The following KLHL26 variants were observed in gnomAD, a reference collection of about 807,000 sequenced individuals.
KLHL26 encodes kelch like family member 26, also known as kelch-like protein 26.
Under a neutral mutation model 7.1 loss-of-function variants are expected in KLHL26, and 4 were observed. The observed-to-expected ratio is 0.56, with a 90% CI of 0.28 to 1.28. KLHL26 has a LOEUF of 1.28. Among genes scored for constraint, KLHL26 ranks in the 50% most tolerant of loss-of-function variants. KLHL26 has a pLI of 0.11. For synonymous variants in KLHL26, 465 were observed against 414.1 expected (o/e 1.12, Z -1.49); for missense variants, 896 against 924.6 (o/e 0.97, Z 0.40).
chr19:18,661,016 G>A (rs775644408), intron 1 of KLHL26, among the ~76,000 whole-genome samples: 12 of 152,184 alleles, frequency 7.9e-5, no homozygotes, highest in Non-Finnish European at 1.8e-4. Flanking sequence ...CAGATTCTCC[G>A]AGTGTGTAGT....
intron 1 of KLHL26, among the ~76,000 whole-genome samples, chr19:18,663,730 A>G (rs763539837): frequency 6.6e-6 from 1 of 151,454 alleles, no homozygotes; most frequent in Non-Finnish European, 1.5e-5. Flanking sequence ...TGATCCGTTC[A>G]ACAGTTTCCC....
chr19:18,669,087 G>T lies in KLHL26; in HGVS notation c.1690G>T (p.Val564Phe). ...CCTGCTGGAGAGGAAGATCTACATC[G>T]TCGGGGGCTACAACTGGCGTCTCAA... ...CCLLERKIYI[V>F]GGYNWRLNNV... Residue 564 changes from valine (V) to phenylalanine (F), a missense_variant, in exon 3 of 3, where the codon GTC becomes TTC. Val to Phe is a conservative substitution (Grantham distance 50). Coordinates refer to ENST00000300976, the MANE Select transcript of KLHL26 (RefSeq NM_018316.3). 1 of 1,612,920 alleles carries T rather than the reference G, an allele frequency of 6.2e-7. No individual in the cohort carries two copies. The highest frequency in any genetic ancestry group is 8.5e-7 in the Non-Finnish European group (1 of 1,179,962).
At chr19:18,638,093 C>T (rs1409788916) in intron 1 of KLHL26, among the ~76,000 whole-genome samples, 1 of 152,216 alleles carries the variant, frequency 6.6e-6, no homozygotes, top group Non-Finnish European at 1.5e-5. Context: ...CAGACCCTCC[C>T]ACCCCAGCTC....
At chr19:18,657,940 T>C (rs532551582) in intron 1 of KLHL26, among the ~76,000 whole-genome samples, 12 of 152,266 alleles carry the variant, frequency 7.9e-5, no homozygotes, top group Non-Finnish European at 1.5e-4. Flanking sequence ...AGCAACTCCA[T>C]CCTGTGGGCT....
rs1426862926 is a variant in KLHL26 at position 18,648,746 on chromosome 19, C to A, written c.83+11609C>A. The stretch of plus-strand genomic sequence containing the variant: ...AATGTCCCTCCTCCTGAGAGAAGGC[C>A]TCAGTCTGGCTGCAGCTGCCCAGGA... On this transcript the variant is annotated intron_variant, in intron 1 of 2. Transcript: ENST00000300976. This position sits in a 1 kb window ranked among gnomAD's most constrained non-coding sequence, Gnocchi z 4.9. 1.3e-5 allele frequency among the ~76,000 whole-genome samples: 2 copies of A among 152,146 alleles called. No individual in the cohort carries two copies. The highest frequency in any genetic ancestry group is 2.9e-5 in the Non-Finnish European group (2 of 68,008).
intron 1 of KLHL26, among the ~76,000 whole-genome samples, chr19:18,653,856 C>T (rs2052293478): frequency 2.4e-5 from 1 of 41,482 alleles, no homozygotes; most frequent in African/African-American, 1.2e-4. Context: ...ATCTACCCAC[C>T]CACCTATCCA....
chr19:18,668,458 C>A lies in KLHL26; in HGVS notation c.1061C>A (p.Thr354Lys), dbSNP rs771953274. 2 of 1,610,852 alleles carry A rather than the reference C, an allele frequency of 1.2e-6. No homozygotes were observed. The highest frequency in any genetic ancestry group is 3.3e-5 in the Admixed American group (2 of 59,986). The change falls in exon 3 of 3, where the codon ACG becomes AAG. Residue 354 changes from threonine to lysine, a missense_variant. Transcript: ENST00000300976. Reference protein sequence around the residue: ...LTEMEVGCSHTCVAVLDNFVY... With the variant: ...LTEMEVGCSHKCVAVLDNFVY... ...GAGATGGAGGTAGGCTGCAGCCACA[C>A]GTGCGTGGCCGTGCTGGACAATTTT...
intron 1 of KLHL26, among the ~76,000 whole-genome samples, chr19:18,639,874 C>G (rs1243632012): frequency 6.6e-6 from 1 of 152,056 alleles, no homozygotes; most frequent in Non-Finnish European, 1.5e-5. Flanking sequence ...CTTTCACTCT[C>G]TGTAGCTTTG....
chr19:18,653,200 C>T (rs962879827), intron 1 of KLHL26, among the ~76,000 whole-genome samples: 3 of 151,986 alleles, frequency 2.0e-5, no homozygotes, highest in Non-Finnish European at 2.9e-5. Flanking sequence ...TCTTCAGGGC[C>T]GGCCCAGCAC....
intron 2 of KLHL26, among the ~76,000 whole-genome samples, chr19:18,665,646 T>C (rs898723649): frequency 2.6e-5 from 4 of 152,228 alleles, no homozygotes; most frequent in Non-Finnish European, 4.4e-5. Context: ...GGGCACTGTC[T>C]GTCTGTCCCT....
chr19:18,637,175 T>G (rs891072181), intron 1 of KLHL26, 38 bp downstream of exon 1: 3 of 1,281,034 alleles, frequency 2.3e-6, no homozygotes, highest in Non-Finnish European at 2.0e-6. Flanking sequence ...GCACCTGTCT[T>G]GGAGCCCAGG....
rs1400307564 is a variant in KLHL26 at position 18,654,662 on chromosome 19, C to T, written c.84-9599C>T. 2.6e-5 allele frequency among the ~76,000 whole-genome samples: 4 copies of T among 151,770 alleles called. No individual in the cohort carries two copies. The South Asian group carries it at 8.3e-4, about 32-fold the overall frequency. On this transcript the variant is annotated intron_variant, in intron 1 of 2. Coordinates refer to ENST00000300976, the MANE Select transcript of KLHL26 (RefSeq NM_018316.3). ...CTATACATCCACGCACCCTTTCATC[C>T]ACCCATCCACCTATCCATCTACCCA...
In KLHL26 at chr19:18,669,099, A is replaced by AG; in HGVS notation, c.1702_1703insG (p.Asn568ArgfsTer59). ...GAAGATCTACATCGTCGGGGGCTAC[A>AG]ACTGGCGTCTCAACAACGTCACGGG... On this transcript the variant is annotated frameshift_variant, in exon 3 of 3. Transcript: ENST00000300976. LOFTEE classifies it high-confidence loss of function. 1 of 1,612,880 alleles carries AG rather than the reference A, an allele frequency of 6.2e-7. No individual in the cohort carries two copies. Among genetic ancestry groups the AG allele is most frequent in the Non-Finnish European group, 8.5e-7 (1 of 1,179,954 alleles).
chr19:18,661,632 G>C (rs1455250167), intron 1 of KLHL26, among the ~76,000 whole-genome samples: 1 of 152,056 alleles, frequency 6.6e-6, no homozygotes, highest in Non-Finnish European at 1.5e-5. Flanking sequence ...GTGATTCCAC[G>C]AATCTCCTTT....
chr19:18,641,015 T>TTTTA (rs566857931), intron 1 of KLHL26, among the ~76,000 whole-genome samples: 13 of 151,916 alleles, frequency 8.6e-5, no homozygotes, highest in Non-Finnish European at 1.5e-4. Flanking sequence ...CATTTGGTGT[T>TTTTA]TTTATTTATT....
rs543191731 is a variant in KLHL26, at chr19:18,655,619, C to T, written c.84-8642C>T. Among the ~76,000 whole-genome samples, 6 of 131,682 alleles carry T rather than the reference C, an allele frequency of 4.6e-5. No individual in the cohort carries two copies. The South Asian group carries it at 1.3e-3, about 29-fold the overall frequency. 86.4% of individuals were successfully genotyped at this position (131,682 alleles called of 152,430 possible). On this transcript the variant is annotated intron_variant, in intron 1 of 2. Coordinates refer to ENST00000300976, the MANE Select transcript of KLHL26 (RefSeq NM_018316.3). ...GCACAGACTGGGTGCTCCCTCGGTC[C>T]GTGAAGACTGTTCTGATGGAGACGC...
intron 1 of KLHL26, among the ~76,000 whole-genome samples, chr19:18,641,113 G>C (rs907375711): frequency 6.6e-6 from 1 of 151,804 alleles, no homozygotes; most frequent in Non-Finnish European, 1.5e-5. Flanking sequence ...GGAACTCCTG[G>C]GTTCAAGCAA....
At chr19:18,652,125 C>G (rs570758755) in intron 1 of KLHL26, among the ~76,000 whole-genome samples, 2 of 152,056 alleles carry the variant, frequency 1.3e-5, no homozygotes, top group African/African-American at 4.8e-5. Context: ...GGTCTGAGGG[C>G]AAGAGGGTTG....
chr19:18,669,176 C>G lies in KLHL26; in HGVS notation c.1779C>G (p.His593Gln). 1 of 1,612,772 alleles carries G rather than the reference C, an allele frequency of 6.2e-7. No homozygotes were observed. The highest frequency in any genetic ancestry group is 8.5e-7 in the Non-Finnish European group (1 of 1,179,974). The change falls in exon 3 of 3, where the codon CAC becomes CAG. Residue 593 changes from histidine to glutamine, a missense_variant. Transcript: ENST00000300976. ...CCGACGAGTGGGAGCGGGACCTGCA[C>G]TTCCCGGAGTCCTTCGCAGGCATAG... ...TDTDEWERDLHFPESFAGIAC... is the reference protein window; with the variant it reads ...TDTDEWERDLQFPESFAGIAC...
Sources: allele counts gnomAD v4.1 joint callset (sites outside exome capture counted in the v4.1 genomes callset), GRCh38; gene constraint gnomAD v4.1.1; non-coding constraint Gnocchi (gnomAD v3.1); transcripts MANE v1.5; gene names NCBI Gene and HGNC (gene_info 2026-07-23, HGNC 2026-07-21).